Variants in PRSS12 observed in about 807,000 individuals in gnomAD.
The protein encoded by PRSS12 is serine protease 12.
PRSS12 carries 85 observed loss-of-function variants against 104.4 expected under a neutral mutation model. The observed-to-expected ratio is 0.81, with a 90% CI of 0.68 to 0.98. The LOEUF is 0.98. Ranked by LOEUF, PRSS12 falls within the 50% of genes least tolerant of loss-of-function variation. The probability of loss-of-function intolerance (pLI) is 0.00; values close to 1 mark genes in which losing one functional copy is unlikely to be tolerated. For synonymous variants in PRSS12, 454 were observed against 425.2 expected (o/e 1.07, Z -0.83); for missense variants, 1,141 against 1,139.2 (o/e 1.00, Z -0.02).
intron 1 of PRSS12, among the ~76,000 whole-genome samples, chr4:118,342,288 G>T (rs1327937985): frequency 1.3e-5 from 2 of 152,196 alleles, no homozygotes; most frequent in African/African-American, 4.8e-5. Context: ...ATAAATTGTA[G>T]ACGAAATTCT....
chr4:118,300,914 T>C (rs1049130156), intron 8 of PRSS12, among the ~76,000 whole-genome samples: 3 of 152,108 alleles, frequency 2.0e-5, no homozygotes, highest in African/African-American at 7.2e-5. Context: ...ATTTCTTCAT[T>C]GTTGCGCATG....
chr4:118,296,842 A>G (rs1743265561), intron 9 of PRSS12, among the ~76,000 whole-genome samples: 3 of 152,180 alleles, frequency 2.0e-5, no homozygotes, highest in Admixed American at 2.0e-4. Context: ...CATTTCTTAC[A>G]ATATGAGTCC....
rs189445691 is a variant in PRSS12 at position 118,293,912 on chromosome 4, T to C, written c.2039+1027A>G. 2.5e-4 allele frequency among the ~76,000 whole-genome samples: 38 copies of C among 152,310 alleles called. 1 individual carries two copies. Among genetic ancestry groups the C allele is most frequent in the African/African-American group, 7.5e-4 (31 of 41,572 alleles). ...AGTGAGACTTGTACCTGGTTGTTTA[T>C]TGCAACATTGTTTTCTATCAATGAA... is the stretch of plus-strand genomic sequence containing the variant. On this transcript the variant is annotated intron_variant, in intron 11 of 12. Coordinates refer to ENST00000296498, the MANE Select transcript of PRSS12 (RefSeq NM_003619.4).
chr4:118,347,130 C>G (rs1724376618), intron 1 of PRSS12, among the ~76,000 whole-genome samples: 1 of 151,714 alleles, frequency 6.6e-6, no homozygotes, highest in African/African-American at 2.4e-5. Context: ...GCCCCCAAAT[C>G]TAAGTATTTG....
At position 118,332,484 on chromosome 4, in the gene PRSS12, G is replaced by C. The variant is rs192835870; in HGVS notation, c.821-618C>G. Among the ~76,000 whole-genome samples, 144 of 152,254 alleles carry C rather than the reference G, an allele frequency of 9.5e-4. 2 individuals are homozygous for C. The highest frequency in any genetic ancestry group is 4.2e-4 in the South Asian group (2 of 4,816). On this transcript the variant is annotated intron_variant, in intron 3 of 12. Coordinates refer to ENST00000296498, the MANE Select transcript of PRSS12 (RefSeq NM_003619.4). ...CTACCGTCTCATAATCTACAGCCCT[G>C]ATCTAGCCCTTGTCAGACTGTGAAC...
At chr4:118,330,333 T>C (rs1560781590) in intron 4 of PRSS12, among the ~76,000 whole-genome samples, 2 of 152,162 alleles carry the variant, frequency 1.3e-5, no homozygotes, top group Non-Finnish European at 2.9e-5. Flanking sequence ...TTTGCTTTGA[T>C]CTAATCAAGC....
intron 8 of PRSS12, among the ~76,000 whole-genome samples, chr4:118,304,230 CATA>C (rs1478066374): frequency 6.6e-6 from 1 of 150,934 alleles, no homozygotes; most frequent in Non-Finnish European, 1.5e-5. Flanking sequence ...ATTTTTAAGG[CATA>C]ATAACATTGA....
Position 118,282,123 on chromosome 4 carries a change from TC to T in PRSS12, c.2440del (p.Glu814AsnfsTer30), listed in dbSNP as rs1355286269. On this transcript the variant is annotated frameshift_variant, in exon 13 of 13. Transcript: ENST00000296498. LOFTEE classifies it high-confidence loss of function. Reference protein sequence around the residue: ...GRMLCAGNLHEHKRVDSCQGD... With the variant: ...GRMLCAGNLHXHKRVDSCQGD... ...CTGGCAGCTGTCCACGCGTTTGTGT[TC>T]ATGGAGGTTTCCAGCACAAAGCATT... 5 of 1,614,216 alleles carry T rather than the reference TC, an allele frequency of 3.1e-6. No individual in the cohort carries two copies. The South Asian group carries it at 5.5e-5, about 18-fold the overall frequency.
In PRSS12 at chr4:118,352,791, CG is replaced by C; in HGVS notation, c.-72del. The stretch of plus-strand genomic sequence containing the variant: ...GCTTGGAGCGGAGAAGAGGAGGGGG[CG>C]GGGGCGGGGCTGCCGCGTCCCTCGA... On this transcript the variant is annotated 5_prime_UTR_variant, in exon 1 of 13. Coordinates refer to ENST00000296498, the MANE Select transcript of PRSS12 (RefSeq NM_003619.4). The C allele has an allele frequency of 2.9e-6, 4 of 1,370,064 alleles. No individual in the cohort carries two copies. Among genetic ancestry groups the C allele is most frequent in the South Asian group, 2.4e-5 (2 of 82,616 alleles). 84.9% of individuals were successfully genotyped at this position (1,370,064 alleles called of 1,614,324 possible).
rs372483243 is a variant in PRSS12 at position 118,307,683 on chromosome 4, C to T, written c.1631+753G>A. Among the ~76,000 whole-genome samples the T allele has an allele frequency of 1.6e-4, 24 of 152,028 alleles. No homozygotes were observed. The South Asian group carries it at 4.6e-3, about 29-fold the overall frequency. On this transcript the variant is annotated intron_variant, in intron 8 of 12. Coordinates refer to ENST00000296498, the MANE Select transcript of PRSS12 (RefSeq NM_003619.4). ...GAGATGATCTGCCTTCTTTTTTGCT[C>T]CTCTCACACTGTAAACAAGTGTCCT...
At chr4:118,352,155 G>C (rs1012208039) in intron 1 of PRSS12, 64 bp downstream of exon 1, 5 of 1,596,084 alleles carry the variant, frequency 3.1e-6, no homozygotes, top group Non-Finnish European at 4.3e-6. Flanking sequence ...CCTGTACGCC[G>C]GCCCCAAGCC....
In PRSS12 at chr4:118,316,837, A is replaced by AAAAATATATATATATAT. The variant is rs35698159; in HGVS notation, c.1151-515_1151-514insATATATATATATATTTT. Among the ~76,000 whole-genome samples, 977 of 98,916 alleles carry AAAAATATATATATATAT rather than the reference A, an allele frequency of 9.9e-3. 12 individuals are homozygous for AAAAATATATATATATAT. Among genetic ancestry groups the AAAAATATATATATATAT allele is most frequent in the Non-Finnish European group, 0.017 (814 of 49,046 alleles). 64.9% of individuals were successfully genotyped at this position (98,916 alleles called of 152,430 possible). ...ACTCCGTCTCACGGAAAAAAAAAAA[A>AAAAATATATATATATAT]ATATATATATATATATATATCTTTC... is the stretch of plus-strand genomic sequence containing the variant. On this transcript the variant is annotated intron_variant, in intron 5 of 12. Coordinates refer to ENST00000296498, the MANE Select transcript of PRSS12 (RefSeq NM_003619.4).
intron 8 of PRSS12, 39 bp downstream of exon 8, chr4:118,308,397 C>A: frequency 6.2e-7 from 1 of 1,612,882 alleles, no homozygotes; most frequent in Non-Finnish European, 8.5e-7. Context: ...TTCAGATATG[C>A]TCATCAGTAA....
chr4:118,317,111 A>C (rs1045527929), intron 5 of PRSS12, among the ~76,000 whole-genome samples: 4 of 151,996 alleles, frequency 2.6e-5, no homozygotes, highest in African/African-American at 9.7e-5. Context: ...TCTGGATAAA[A>C]GACAGTCTGT....
chr4:118,288,613 T>C (rs1743062353), intron 11 of PRSS12, among the ~76,000 whole-genome samples: 1 of 152,230 alleles, frequency 6.6e-6, no homozygotes. Flanking sequence ...AAAGCCCTTG[T>C]TTCAGGTACA....
rs200649897 is a variant in PRSS12 at position 118,352,057 on chromosome 4, C to T, written c.502+162G>A. Among the ~76,000 whole-genome samples the T allele has an allele frequency of 3.6e-4, 55 of 152,234 alleles. No individual in the cohort carries two copies. In the East Asian group the frequency reaches 9.5e-3, roughly 26 times the overall value. On this transcript the variant is annotated intron_variant, in intron 1 of 12. Transcript: ENST00000296498. ...GGCTTAGATTTGCAGCACCAGTATA[C>T]CTTACTGGTAACCCAGCTGCAGCCC...
At chr4:118,351,349 A>C (rs1362556988) in intron 1 of PRSS12, among the ~76,000 whole-genome samples, 1 of 150,318 alleles carries the variant, frequency 6.7e-6, no homozygotes, top group Non-Finnish European at 1.5e-5. Flanking sequence ...TTTTTAAACA[A>C]AAAAAAAAAC....
chr4:118,295,654 G>A (rs1398346602), intron 10 of PRSS12, 124 bp downstream of exon 10: 3 of 922,986 alleles, frequency 3.3e-6, no homozygotes, highest in Non-Finnish European at 5.2e-6. Context: ...AGTGAAATCT[G>A]AATTTAGTTT....
chr4:118,323,463 A>C (rs1723684979), intron 4 of PRSS12, among the ~76,000 whole-genome samples: 1 of 151,874 alleles, frequency 6.6e-6, no homozygotes, highest in African/African-American at 2.4e-5. Context: ...GGTGGAAAAA[A>C]AAGAAAAGAA....
Sources: allele counts gnomAD v4.1 joint callset (sites outside exome capture counted in the v4.1 genomes callset), GRCh38; gene constraint gnomAD v4.1.1; transcripts MANE v1.5; gene names NCBI Gene and HGNC (gene_info 2026-07-23, HGNC 2026-07-21).